The following STON2 variants were observed in gnomAD, a reference collection of about 807,000 sequenced individuals.
The protein encoded by STON2 is stonin-2.
A neutral mutation model predicts 65.7 loss-of-function variants in STON2; 29 were observed. That is an observed-to-expected ratio of 0.44 (90% CI 0.33 to 0.60). STON2 has a LOEUF of 0.60. Among genes scored for constraint, STON2 ranks in the 20% least tolerant of loss-of-function variants. STON2 has a pLI of 0.03. For synonymous variants in STON2, 404 were observed against 414.2 expected, an observed-to-expected ratio of 0.98 and a Z score of 0.30; for missense variants, 1,054 against 1,118.1, an observed-to-expected ratio of 0.94 and a Z score of 0.82.
Position 81,265,755 on chromosome 14 carries a change from G to A in STON2, c.*2659C>T. ...TAGAAGGGATTTTTCCCAACTCTTG[G>A]TAAAAAAAACAAAAAAGTCCAGGTG... On this transcript the variant is annotated 3_prime_UTR_variant, in exon 8 of 8. Coordinates refer to ENST00000614646, the MANE Select transcript of STON2 (RefSeq NM_001394390.1). 1 of 977,790 alleles carries A rather than the reference G, an allele frequency of 1.0e-6. No individual in the cohort carries two copies. The highest frequency in any genetic ancestry group is 1.2e-6 in the Non-Finnish European group (1 of 826,610). The allele number at this position is 977,790 out of a possible 1,614,324, so 60.6% of individuals were successfully genotyped here. A position where few individuals can be genotyped will look rare whatever the true frequency, so the allele number is the denominator to read the frequency against.
intron 4 of STON2, among the ~76,000 whole-genome samples, chr14:81,369,782 G>C (rs1460540473): frequency 2.0e-5 from 3 of 152,150 alleles, no homozygotes; most frequent in African/African-American, 7.2e-5. Context: ...CCTGGAAAGG[G>C]GGCCCAGAGC....
intron 5 of STON2, among the ~76,000 whole-genome samples, chr14:81,317,064 G>T (rs1218811462): frequency 7.9e-5 from 12 of 152,258 alleles, no homozygotes; most frequent in Admixed American, 4.6e-4. Flanking sequence ...GCTCATGGTT[G>T]TGCAGACTGT....
chr14:81,375,104 C>T (rs148879773), intron 3 of STON2, among the ~76,000 whole-genome samples: 27 of 152,074 alleles, frequency 1.8e-4, no homozygotes, highest in African/African-American at 5.5e-4. Context: ...GTTAGAATTA[C>T]ATACCCAGTG....
intron 2 of STON2, among the ~76,000 whole-genome samples, 162 bp downstream of exon 2, chr14:81,398,133 A>G (rs1035797317): frequency 2.6e-5 from 4 of 152,130 alleles, no homozygotes; most frequent in Non-Finnish European, 5.9e-5. Flanking sequence ...CAGTGTGTAA[A>G]TTCTTCCACT....
Position 81,263,557 on chromosome 14 carries a change from AAAAC to A in STON2, c.*4853_*4856del. ...CGTCTCAAAAAAAAAAAAAAAAAAA[AAAAC>A]AAAAAAGAAAATGCTATTTTTTGGC... On this transcript the variant is annotated 3_prime_UTR_variant, in exon 8 of 8. Transcript: ENST00000614646. The A allele has an allele frequency of 1.0e-5, 2 of 197,166 alleles. No individual in the cohort carries two copies. Among genetic ancestry groups the A allele is most frequent in the Non-Finnish European group, 1.8e-5 (2 of 109,428 alleles). 12.2% of individuals were successfully genotyped at this position (197,166 alleles called of 1,614,324 possible).
At chr14:81,325,624 ATATGACT>A (rs1566909637) in intron 4 of STON2, among the ~76,000 whole-genome samples, 1 of 152,110 alleles carries the variant, frequency 6.6e-6, no homozygotes, top group Admixed American at 6.5e-5. Flanking sequence ...TATAAAGCAT[ATATGACT>A]ACCCTCTTAA....
rs1899701829 is a variant in STON2, at chr14:81,384,586, C to T, written c.373+11308G>A. 3.3e-5 allele frequency among the ~76,000 whole-genome samples: 5 copies of T among 152,160 alleles called. No homozygotes were observed. In the South Asian group the frequency reaches 8.3e-4, roughly 25 times the overall value. On this transcript the variant is annotated intron_variant, in intron 3 of 7. Coordinates refer to ENST00000614646, the MANE Select transcript of STON2 (RefSeq NM_001394390.1). ...TAGTGTGTTTCTGGTATGAACCCCC[C>T]TCCCTGTCCCCCCGCAGAATGTGGG... is the stretch of plus-strand genomic sequence containing the variant.
At chr14:81,310,117 ATTC>A (rs1182019456) in intron 5 of STON2, among the ~76,000 whole-genome samples, 1 of 152,204 alleles carries the variant, frequency 6.6e-6, no homozygotes, top group African/African-American at 2.4e-5. Context: ...ATTCATATAT[ATTC>A]TTCTTCTACT....
chr14:81,433,982 T>G (rs566143408), intron 1 of STON2, among the ~76,000 whole-genome samples: 21 of 152,178 alleles, frequency 1.4e-4, no homozygotes, highest in Non-Finnish European at 2.2e-4. Flanking sequence ...CACCCCTGCC[T>G]GCACAAGAGA....
chr14:81,261,518 G>A lies in STON2; in HGVS notation c.*6896C>T. 2 of 303,912 alleles carry A rather than the reference G, an allele frequency of 6.6e-6. No homozygotes were observed. The highest frequency in any genetic ancestry group is 1.2e-5 in the Non-Finnish European group (2 of 167,622). The allele number at this position is 303,912 out of a possible 1,614,324, so 18.8% of individuals were successfully genotyped here. A position where few individuals can be genotyped will look rare whatever the true frequency, so the allele number is the denominator to read the frequency against. On this transcript the variant is annotated 3_prime_UTR_variant, in exon 8 of 8. Coordinates refer to ENST00000614646, the MANE Select transcript of STON2 (RefSeq NM_001394390.1). ...TTTAAAATTTTTTTAACTACAATTTGATGTTACTAAGAGACAACGAGGATA... is the reference window on the plus strand; with the variant it reads ...TTTAAAATTTTTTTAACTACAATTTAATGTTACTAAGAGACAACGAGGATA...
chr14:81,408,270 T>C (rs1900974421), intron 2 of STON2, among the ~76,000 whole-genome samples: 1 of 152,174 alleles, frequency 6.6e-6, no homozygotes, highest in South Asian at 2.1e-4. Context: ...AAAATTTCAT[T>C]CTTTCATTTA....
chr14:81,343,752 T>C (rs151174478), intron 4 of STON2, among the ~76,000 whole-genome samples: 7 of 152,336 alleles, frequency 4.6e-5, no homozygotes, highest in African/African-American at 1.4e-4. Flanking sequence ...CTACTCCTTA[T>C]CATATTCCAG....
intron 4 of STON2, among the ~76,000 whole-genome samples, chr14:81,337,520 C>A (rs1566915060): frequency 6.6e-6 from 1 of 152,180 alleles, no homozygotes; most frequent in Admixed American, 6.5e-5. Flanking sequence ...AGAAAGAGGG[C>A]ACAGGAGACC....
At chr14:81,306,623 A>G (rs777091241) in intron 5 of STON2, 17 of 152,270 alleles carry the variant, frequency 1.1e-4, no homozygotes, top group Middle Eastern at 6.8e-3. Context: ...TTCAAACAAG[A>G]AATTTCACCT....
At chr14:81,270,118 C>T (rs1894513182) in intron 7 of STON2, 5 of 860,450 alleles carry the variant, frequency 5.8e-6, no homozygotes, top group Non-Finnish European at 7.0e-6. Flanking sequence ...GACACAGTCT[C>T]GCTCTGTCAC....
Position 81,395,923 on chromosome 14 carries a change from G to C in STON2, c.344C>G (p.Ser115Cys). Residue 115 changes from serine to cysteine, a missense_variant, in exon 3 of 8, where the codon TCT becomes TGT. Coordinates refer to ENST00000614646, the MANE Select transcript of STON2 (RefSeq NM_001394390.1). Reference protein sequence around the residue: ...FEDDTPWASTSPPHQETAETA... With the variant: ...FEDDTPWASTCPPHQETAETA... ...CTCAGCTGTTTCCTGATGAGGTGGA[G>C]ATGTGCTGGCCCAGGGTGTGTCATC... 1 of 1,614,146 alleles carries C rather than the reference G, an allele frequency of 6.2e-7. No homozygotes were observed. The highest frequency in any genetic ancestry group is 2.2e-5 in the East Asian group (1 of 44,862).
At chr14:81,287,985 TC>T (rs1301465739) in intron 5 of STON2, among the ~76,000 whole-genome samples, 5 of 152,174 alleles carry the variant, frequency 3.3e-5, no homozygotes, top group Admixed American at 2.6e-4. Flanking sequence ...AAACACCAGT[TC>T]CCCAGCAGAG....
chr14:81,361,424 G>T (rs1898488649), intron 4 of STON2, among the ~76,000 whole-genome samples: 1 of 152,128 alleles, frequency 6.6e-6, no homozygotes, highest in African/African-American at 2.4e-5. Context: ...AATAAATGGT[G>T]TTGGGGAAAC....
At chr14:81,310,336 A>G (rs1239585017) in intron 5 of STON2, among the ~76,000 whole-genome samples, 1 of 152,156 alleles carries the variant, frequency 6.6e-6, no homozygotes, top group Non-Finnish European at 1.5e-5. Context: ...TGCTTGTCAT[A>G]CACTTCTTCT....
Sources: allele counts gnomAD v4.1 joint callset (sites outside exome capture counted in the v4.1 genomes callset), GRCh38; gene constraint gnomAD v4.1.1; transcripts MANE v1.5; gene names NCBI Gene and HGNC (gene_info 2026-07-23, HGNC 2026-07-21).